The following FGD3 variants were observed in gnomAD, a reference collection of about 807,000 sequenced individuals.
FGD3 encodes the protein FYVE, RhoGEF and PH domain-containing protein 3.
Under a neutral mutation model 71.8 loss-of-function variants are expected in FGD3, and 45 were observed. The observed-to-expected ratio is 0.63, with a 90% CI of 0.49 to 0.80. FGD3 has a LOEUF of 0.80. FGD3 is among the 30% of genes least tolerant of loss of function. The pLI is 0.00. For synonymous variants in FGD3, 378 were observed against 392.8 expected, an observed-to-expected ratio of 0.96 and a Z score of 0.44; for missense variants, 844 against 951.5, an observed-to-expected ratio of 0.89 and a Z score of 1.49.
rs577844262 is a variant in FGD3 at position 92,987,903 on chromosome 9, A to T, written c.453+11194A>T. 2.6e-3 allele frequency among the ~76,000 whole-genome samples: 403 copies of T among 152,288 alleles called. 3 individuals carry two copies. The highest frequency in any genetic ancestry group is 9.0e-3 in the African/African-American group (373 of 41,554). On this transcript the variant is annotated intron_variant, in intron 3 of 17. Transcript: ENST00000375482. ...CCATTTATCCAACTCTTGAGATCTT[A>T]TCAGGAAGCTGATTATCTGTTTCAG...
At chr9:92,958,043 G>T (rs1043224982) in intron 1 of FGD3, among the ~76,000 whole-genome samples, 7 of 148,654 alleles carry the variant, frequency 4.7e-5, no homozygotes, top group African/African-American at 1.5e-4. Context: ...CTGCCACCCA[G>T]GCTGGAGTGC....
At chr9:93,007,919 A>C (rs568663247) in intron 6 of FGD3, among the ~76,000 whole-genome samples, 1 of 152,288 alleles carries the variant, frequency 6.6e-6, no homozygotes, top group African/African-American at 2.4e-5. Flanking sequence ...GAATTCTCCA[A>C]CCCGAAGGTC....
At position 92,976,356 on chromosome 9, in the gene FGD3, G is replaced by A. The variant is rs1388567022; in HGVS notation, c.100G>A (p.Ala34Thr). The A allele has an allele frequency of 2.5e-6, 4 of 1,610,508 alleles. No homozygotes were observed. The highest frequency in any genetic ancestry group is 2.7e-5 in the African/African-American group (2 of 74,892). Residue 34 changes from alanine (A) to threonine (T), a missense_variant, in exon 3 of 18, where the codon GCG (alanine) becomes ACG (threonine). Coordinates refer to ENST00000375482, the MANE Select transcript of FGD3 (RefSeq NM_001083536.2). Reference protein sequence around the residue: ...PGSSSLGKLQALPVGPRAHCG... With the variant: ...PGSSSLGKLQTLPVGPRAHCG... ...CAGTTCCTCCCTAGGGAAGCTTCAG[G>A]CGCTCCCTGTTGGGCCCAGAGCCCA...
In FGD3 at chr9:92,991,153, C is replaced by T. The variant is rs557156778; in HGVS notation, c.454-11772C>T. Among the ~76,000 whole-genome samples the T allele has an allele frequency of 2.9e-3, 442 of 152,016 alleles. 7 individuals are homozygous for T. Among genetic ancestry groups the T allele is most frequent in the African/African-American group, 0.01 (417 of 41,482 alleles). ...GAGTGCAGTGGCGCAATCTTGGCTC[C>T]CTGCAACCTCTGCCTCCCTAGCTCA... On this transcript the variant is annotated intron_variant, in intron 3 of 17. Transcript: ENST00000375482.
intron 3 of FGD3, among the ~76,000 whole-genome samples, chr9:92,994,693 G>A (rs1860558969): frequency 1.3e-5 from 2 of 152,096 alleles, no homozygotes; most frequent in Non-Finnish European, 2.9e-5. Flanking sequence ...TCTACATATG[G>A]CTAGCCAGTT....
At chr9:92,991,504 T>C (rs1860410129) in intron 3 of FGD3, among the ~76,000 whole-genome samples, 1 of 152,218 alleles carries the variant, frequency 6.6e-6, no homozygotes, top group African/African-American at 2.4e-5. Flanking sequence ...TATTCCATTG[T>C]GGTAAGATAA....
intron 6 of FGD3, 91 bp from the exon 7 acceptor site, chr9:93,010,155 A>G: frequency 6.8e-7 from 1 of 1,479,022 alleles, no homozygotes; most frequent in Non-Finnish European, 9.1e-7. Context: ...AGTTCCGGGC[A>G]GCTTCCTGGG....
intron 2 of FGD3, 45 bp from the exon 3 acceptor site, chr9:92,976,163 T>G (rs1587823677): frequency 8.2e-7 from 1 of 1,215,964 alleles, no homozygotes; most frequent in Non-Finnish European, 1.1e-6. Context: ...AGGGTGCTGG[T>G]CCATGCCTGG....
intron 11 of FGD3, 94 bp from the exon 12 acceptor site, chr9:93,019,737 C>T (rs139685076): frequency 2.5e-4 from 295 of 1,199,932 alleles, no homozygotes; most frequent in Non-Finnish European, 3.4e-4. Flanking sequence ...CAAGCCAGTG[C>T]GTGGCTCGGG....
chr9:92,989,718 A>G (rs143600482), intron 3 of FGD3, among the ~76,000 whole-genome samples: 2 of 152,232 alleles, frequency 1.3e-5, no homozygotes, highest in Non-Finnish European at 2.9e-5. Context: ...TCTGGTTCTC[A>G]GTAAATCGGC....
intron 1 of FGD3, among the ~76,000 whole-genome samples, chr9:92,948,226 A>T (rs1479427586): frequency 1.3e-5 from 2 of 151,716 alleles, no homozygotes; most frequent in Non-Finnish European, 2.9e-5. Flanking sequence ...GGATGCTGAG[A>T]TTGTCTTTTC....
chr9:93,019,900 G>A (rs757008994), intron 12 of FGD3, 39 bp downstream of exon 12: 2 of 1,610,568 alleles, frequency 1.2e-6, no homozygotes, highest in Admixed American at 1.7e-5. Flanking sequence ...AAATGACCAA[G>A]TGATTGAGCA....
chr9:93,024,023 A>G (rs1055114939), intron 14 of FGD3, among the ~76,000 whole-genome samples: 13 of 151,902 alleles, frequency 8.6e-5, no homozygotes, highest in Non-Finnish European at 1.8e-4. Flanking sequence ...GGATGGTCTC[A>G]ATCTCTTGAC....
At chr9:92,998,451 A>G (rs1335449853) in intron 3 of FGD3, among the ~76,000 whole-genome samples, 3 of 152,196 alleles carry the variant, frequency 2.0e-5, no homozygotes, top group Non-Finnish European at 4.4e-5. Flanking sequence ...GTTATTACCA[A>G]TCATCTGAAG....
chr9:92,959,829 T>C (rs1002042917), intron 1 of FGD3, among the ~76,000 whole-genome samples: 4 of 151,404 alleles, frequency 2.6e-5, no homozygotes, highest in African/African-American at 9.7e-5. Flanking sequence ...GCATGTCCCA[T>C]GTCCTTGTGT....
At position 92,976,315 on chromosome 9, in the gene FGD3, C is replaced by G; in HGVS notation, c.59C>G (p.Pro20Arg). ...PPGPIAALGMPDTGPGSSSLG... is the reference protein window; with the variant it reads ...PPGPIAALGMRDTGPGSSSLG... ...GGACCCATTGCTGCCCTAGGGATGC[C>G]AGACACTGGGCCTGGCAGTTCCTCC... Residue 20 changes from proline (P) to arginine (R), a missense_variant, in exon 3 of 18, where the codon CCA (proline) becomes CGA (arginine). Coordinates refer to ENST00000375482, the MANE Select transcript of FGD3 (RefSeq NM_001083536.2). The G allele has an allele frequency of 6.2e-7, 1 of 1,610,262 alleles. No individual in the cohort carries two copies. The highest frequency in any genetic ancestry group is 8.5e-7 in the Non-Finnish European group (1 of 1,178,340).
rs1339732113 is a variant in FGD3, at chr9:93,003,728, G to C, written c.544-273G>C. Among the ~76,000 whole-genome samples the C allele has an allele frequency of 6.6e-6, 1 of 152,202 alleles. No individual in the cohort carries two copies. Among genetic ancestry groups the C allele is most frequent in the Admixed American group, 6.5e-5 (1 of 15,280 alleles). Reference sequence around the variant, plus strand: ...AGTCTGAACCTTCCATTTCGCATGAGAGGTGGCTGAGGAAAGATGTCATTC... The same window carrying C: ...AGTCTGAACCTTCCATTTCGCATGACAGGTGGCTGAGGAAAGATGTCATTC... On this transcript the variant is annotated intron_variant, in intron 4 of 17. Coordinates refer to ENST00000375482, the MANE Select transcript of FGD3 (RefSeq NM_001083536.2). The surrounding 1 kb of genome is among the most constrained non-coding windows in gnomAD (Gnocchi z 4.1).
At chr9:92,952,584 T>C (rs1323724488) in intron 1 of FGD3, among the ~76,000 whole-genome samples, 1 of 151,970 alleles carries the variant, frequency 6.6e-6, no homozygotes, top group African/African-American at 2.4e-5. Context: ...TCCCATCCTC[T>C]ACCCTCCAAT....
intron 14 of FGD3, among the ~76,000 whole-genome samples, chr9:93,025,755 C>T (rs1186478697): frequency 2.6e-5 from 4 of 152,184 alleles, no homozygotes; most frequent in Admixed American, 2.6e-4. Flanking sequence ...ATGTCAGAAT[C>T]CAAAAGGTCT....
Sources: allele counts gnomAD v4.1 joint callset (sites outside exome capture counted in the v4.1 genomes callset), GRCh38; gene constraint gnomAD v4.1.1; non-coding constraint Gnocchi (gnomAD v3.1); transcripts MANE v1.5; gene names NCBI Gene and HGNC (gene_info 2026-07-23, HGNC 2026-07-21).